The following ARPC5 variants were observed in gnomAD, a reference collection of about 807,000 sequenced individuals.
ARPC5 encodes the protein actin-related protein 2/3 complex subunit 5.
ARPC5 carries 5 observed loss-of-function variants against 15.4 expected under a neutral mutation model. That is an observed-to-expected ratio of 0.32 (90% CI 0.17 to 0.68). The LOEUF (loss-of-function observed/expected upper bound fraction) is 0.68, where lower values mean the gene tolerates loss of function less well. ARPC5 is among the 30% of genes least tolerant of loss of function. The pLI, the probability that ARPC5 is intolerant of heterozygous loss-of-function variation, is 0.71. For synonymous variants in ARPC5, 85 were observed against 72.2 expected (o/e 1.18, Z -0.90); for missense variants, 138 against 192.8 (o/e 0.72, Z 1.68).
intron 2 of ARPC5, 61 bp downstream of exon 2, chr1:183,633,021 A>T (rs2101957797): frequency 7.9e-7 from 1 of 1,272,626 alleles, no homozygotes; most frequent in East Asian, 2.5e-5. Flanking sequence ...TTGCAACTGC[A>T]GAGGATTTTA....
chr1:183,622,264 TCTTAC>T lies in ARPC5; in HGVS notation c.*5263_*5267del, dbSNP rs1443497503. 1 of 152,238 alleles carries T rather than the reference TCTTAC, an allele frequency of 6.6e-6. No individual in the cohort carries two copies. Among genetic ancestry groups the T allele is most frequent in the African/African-American group, 2.4e-5 (1 of 41,452 alleles). 9.4% of individuals were successfully genotyped at this position (152,238 alleles called of 1,614,324 possible). ...ATGGAAAATTACCACAGTACATATTTCTTACCTTTTGAATATTGAACAATATGAAC... is the reference window on the plus strand; with the variant it reads ...ATGGAAAATTACCACAGTACATATTTCTTTTGAATATTGAACAATATGAAC... On this transcript the variant is annotated 3_prime_UTR_variant, in exon 4 of 4. Transcript: ENST00000359856.
intron 2 of ARPC5, chr1:183,631,444 G>C (rs1649262460): frequency 6.6e-6 from 1 of 151,972 alleles, no homozygotes; most frequent in Admixed American, 6.6e-5. Flanking sequence ...TCCAGGCATG[G>C]TGGTGTGTGC....
rs988675967 is a variant in ARPC5 at position 183,623,917 on chromosome 1, G to A, written c.*3615C>T. On this transcript the variant is annotated 3_prime_UTR_variant, in exon 4 of 4. Transcript: ENST00000359856. ...GCGTGCCTGTAATCCGAGCTACTCAGGAGGCTGAGGCAGGAGAATCGCTTG... is the reference window on the plus strand; with the variant it reads ...GCGTGCCTGTAATCCGAGCTACTCAAGAGGCTGAGGCAGGAGAATCGCTTG... 1.1e-5 allele frequency: 2 copies of A among 186,222 alleles called. No individual in the cohort carries two copies. Among genetic ancestry groups the A allele is most frequent in the Non-Finnish European group, 2.2e-5 (2 of 89,864 alleles). The allele number at this position is 186,222 out of a possible 1,614,324, so 11.5% of individuals were successfully genotyped here. A position where few individuals can be genotyped will look rare whatever the true frequency, so the allele number is the denominator to read the frequency against.
intron 1 of ARPC5, 30 bp from the exon 2 acceptor site, chr1:183,633,184 G>T: frequency 1.3e-6 from 2 of 1,525,474 alleles, no homozygotes; most frequent in Non-Finnish European, 1.8e-6. Context: ...TAACAGCAAA[G>T]GATGGCCCCC....
rs758123791 is a variant in ARPC5, at chr1:183,627,547, T to G, written c.441A>C (p.Ala147=). ...GVGSIVRVLT[A]RKTV ...TCCTGCCAGACTACACAGTTTTTCT[T>G]GCAGTCAAGACACGAACAATGGACC... Residue 147 remains alanine, a synonymous_variant, in exon 4 of 4, where the codon GCA becomes GCC. Coordinates refer to ENST00000359856, the MANE Select transcript of ARPC5 (RefSeq NM_005717.4). 2 of 1,613,996 alleles carry G rather than the reference T, an allele frequency of 1.2e-6. No individual in the cohort carries two copies. The highest frequency in any genetic ancestry group is 1.7e-6 in the Non-Finnish European group (2 of 1,179,980).
chr1:183,631,854 A>G (rs1010969792), intron 2 of ARPC5: 1 of 152,222 alleles, frequency 6.6e-6, no homozygotes, highest in Non-Finnish European at 1.5e-5. Context: ...CAAGCAAAGG[A>G]AACACTTAAC....
rs1425764694 is a variant in ARPC5 at position 183,635,419 on chromosome 1, C to T, written c.143+98G>A. 4 of 1,410,122 alleles carry T rather than the reference C, an allele frequency of 2.8e-6. No individual in the cohort carries two copies. The African/African-American group carries it at 5.8e-5, about 20-fold the overall frequency. 87.4% of individuals were successfully genotyped at this position (1,410,122 alleles called of 1,614,324 possible). ...TAAGCCGCAGGTTGAGAGGGCAGCT[C>T]CGCGCCGGTGCCCCGCGGATCCTGC... is the stretch of plus-strand genomic sequence containing the variant. On this transcript the variant is annotated intron_variant, in intron 1 of 3. Coordinates refer to ENST00000359856, the MANE Select transcript of ARPC5 (RefSeq NM_005717.4).
Position 183,627,359 on chromosome 1 carries a change from T to C in ARPC5, c.*173A>G. 1 of 666,666 alleles carries C rather than the reference T, an allele frequency of 1.5e-6. No individual in the cohort carries two copies. Among genetic ancestry groups the C allele is most frequent in the Non-Finnish European group, 2.7e-6 (1 of 365,960 alleles). 41.3% of individuals were successfully genotyped at this position (666,666 alleles called of 1,614,324 possible). A position where few individuals can be genotyped will look rare whatever the true frequency, so the allele number is the denominator to read the frequency against. Reference sequence around the variant, plus strand: ...CACAATTTCTTCTATATTATCCCAATTTTCATTAAAGGACAACTGATATGT... The same window carrying C: ...CACAATTTCTTCTATATTATCCCAACTTTCATTAAAGGACAACTGATATGT... On this transcript the variant is annotated 3_prime_UTR_variant, in exon 4 of 4. Coordinates refer to ENST00000359856, the MANE Select transcript of ARPC5 (RefSeq NM_005717.4).
At chr1:183,628,574 T>C (rs559846949) in intron 3 of ARPC5, among the ~76,000 whole-genome samples, 1 of 152,300 alleles carries the variant, frequency 6.6e-6, no homozygotes, top group South Asian at 2.1e-4. Flanking sequence ...GAGACAGACA[T>C]ATAAACAGGT....
rs1026988525 is a variant in ARPC5, at chr1:183,625,442, G to A, written c.*2090C>T. 1 of 152,146 alleles carries A rather than the reference G, an allele frequency of 6.6e-6. No homozygotes were observed. 9.4% of individuals were successfully genotyped at this position (152,146 alleles called of 1,614,324 possible). A position where few individuals can be genotyped will look rare whatever the true frequency, so the allele number is the denominator to read the frequency against. ...TATGAACTCCAGAATTTTTCCAAAC[G>A]CTTCAGTTATGAAAGTGATGTTAAG... On this transcript the variant is annotated 3_prime_UTR_variant, in exon 4 of 4. Coordinates refer to ENST00000359856, the MANE Select transcript of ARPC5 (RefSeq NM_005717.4).
intron 3 of ARPC5, chr1:183,630,226 T>C: frequency 2.7e-6 from 1 of 365,918 alleles, no homozygotes; most frequent in Non-Finnish European, 4.9e-6. Context: ...TAATTCAGAG[T>C]TCAAGATTAT....
At chr1:183,635,483 G>A in intron 1 of ARPC5, 34 bp downstream of exon 1, 1 of 1,449,816 alleles carries the variant, frequency 6.9e-7, no homozygotes, top group Non-Finnish European at 9.5e-7. Context: ...GCTGGGCTGG[G>A]CTGGGGTGGG....
chr1:183,630,671 A>G lies in ARPC5; in HGVS notation c.217-34T>C, dbSNP rs780250438. The G allele has an allele frequency of 1.1e-5, 17 of 1,586,436 alleles. No homozygotes were observed. In the South Asian group the frequency reaches 1.1e-4, roughly 11 times the overall value. ...TCAATAAATAACAGAACATTTAGAC[A>G]TATCTGTATGAGGAGGGTTTAGAAT... On this transcript the variant is annotated intron_variant, in intron 2 of 3. Coordinates refer to ENST00000359856, the MANE Select transcript of ARPC5 (RefSeq NM_005717.4).
chr1:183,634,242 T>C (rs1649353792), intron 1 of ARPC5, among the ~76,000 whole-genome samples: 1 of 152,364 alleles, frequency 6.6e-6, no homozygotes, highest in African/African-American at 2.4e-5. Flanking sequence ...GCATGCCTGA[T>C]GTAGATTAGC....
Position 183,622,857 on chromosome 1 carries a change from A to G in ARPC5, c.*4675T>C, listed in dbSNP as rs533068336. 6.5e-6 allele frequency: 1 copy of G among 153,568 alleles called. No homozygotes were observed. Among genetic ancestry groups the G allele is most frequent in the South Asian group, 2.0e-4 (1 of 4,948 alleles). 9.5% of individuals were successfully genotyped at this position (153,568 alleles called of 1,614,324 possible). The stretch of plus-strand genomic sequence containing the variant: ...TTTGTGACTAAACTTGATTGGCTCT[A>G]GGGTATTTGAACCCAAGAATTATTT... On this transcript the variant is annotated 3_prime_UTR_variant, in exon 4 of 4. Transcript: ENST00000359856.
rs1449987617 is a variant in ARPC5, at chr1:183,623,522, T to C, written c.*4010A>G. Reference sequence around the variant, plus strand: ...GTTTTCACATATTGTACTAGTGACATTGGGGTGAGGGGGAGAGGGAGTGGG... The same window carrying C: ...GTTTTCACATATTGTACTAGTGACACTGGGGTGAGGGGGAGAGGGAGTGGG... On this transcript the variant is annotated 3_prime_UTR_variant, in exon 4 of 4. Coordinates refer to ENST00000359856, the MANE Select transcript of ARPC5 (RefSeq NM_005717.4). 9.7e-6 allele frequency: 15 copies of C among 1,549,694 alleles called. No individual in the cohort carries two copies. Among genetic ancestry groups the C allele is most frequent in the Admixed American group, 7.9e-5 (4 of 50,948 alleles).
intron 1 of ARPC5, among the ~76,000 whole-genome samples, chr1:183,634,548 T>G (rs1649376053): frequency 6.6e-6 from 1 of 152,208 alleles, no homozygotes; most frequent in Non-Finnish European, 1.5e-5. Flanking sequence ...TTTGCAACAT[T>G]TACATTTTTC....
In ARPC5 at chr1:183,626,335, C is replaced by T. The variant is rs759053126; in HGVS notation, c.*1197G>A. 3 of 152,224 alleles carry T rather than the reference C, an allele frequency of 2.0e-5. No homozygotes were observed. Among genetic ancestry groups the T allele is most frequent in the Admixed American group, 1.3e-4 (2 of 15,288 alleles). The allele number at this position is 152,224 out of a possible 1,614,324, so 9.4% of individuals were successfully genotyped here. A position where few individuals can be genotyped will look rare whatever the true frequency, so the allele number is the denominator to read the frequency against. The stretch of plus-strand genomic sequence containing the variant: ...CAGTTTGCACATAAGTCAGTGATTA[C>T]AAAACTGGCATCCAATGTAAATACT... On this transcript the variant is annotated 3_prime_UTR_variant, in exon 4 of 4. Transcript: ENST00000359856.
intron 2 of ARPC5, chr1:183,632,761 T>A (rs372901872): frequency 5.4e-6 from 1 of 185,610 alleles, no homozygotes; most frequent in Admixed American, 6.3e-5. Context: ...TAAAAAGCAA[T>A]TACAATCTGT....
Sources: gnomAD v4.1 joint callset for allele counts (sites outside exome capture counted in the v4.1 genomes callset) on GRCh38, gnomAD v4.1.1 for gene constraint, MANE v1.5 for transcripts, NCBI Gene and HGNC (gene_info 2026-07-23, HGNC 2026-07-21) for gene names.